Variants in ARK2C observed in about 807,000 individuals in gnomAD.
ARK2C encodes E3 ubiquitin-protein ligase ARK2C.
chr18:46,395,826 T>C, the ARK2C span, among the ~76,000 whole-genome samples: 1 of 152,204 alleles, frequency 6.6e-6, no homozygotes, highest in African/African-American at 2.4e-5. Context: ...GGCCAGGTGG[T>C]GATGGGAGGA....
chr18:46,425,128 G>T, the ARK2C span, among the ~76,000 whole-genome samples: 2 of 152,216 alleles, frequency 1.3e-5, no homozygotes, highest in Non-Finnish European at 2.9e-5. Context: ...CCCAACACTG[G>T]GGAAGAGTGA....
At chr18:46,388,802 CAG>C in the ARK2C span, among the ~76,000 whole-genome samples, 83 of 152,074 alleles carry the variant, frequency 5.5e-4, no homozygotes, top group African/African-American at 1.8e-3. Flanking sequence ...GTAGAGAACT[CAG>C]AGGTGTGTTT....
At chr18:46,380,703 C>G in the ARK2C span, among the ~76,000 whole-genome samples, 3 of 152,314 alleles carry the variant, frequency 2.0e-5, no homozygotes, top group Admixed American at 2.0e-4. Flanking sequence ...ATCTGAGACT[C>G]TGGAGCCTCG....
At chr18:46,418,277 A>G in the ARK2C span, among the ~76,000 whole-genome samples, 8 of 152,160 alleles carry the variant, frequency 5.3e-5, no homozygotes, top group Non-Finnish European at 1.0e-4. Flanking sequence ...GGATCGCTTG[A>G]GCCCAGGAGA....
the ARK2C span, chr18:46,450,622 T>C: frequency 8.8e-7 from 1 of 1,139,640 alleles, no homozygotes; most frequent in South Asian, 1.3e-5. Flanking sequence ...TGCTCATGTC[T>C]TCCAGCTCCC....
the ARK2C span, among the ~76,000 whole-genome samples, chr18:46,426,868 G>A: frequency 2.0e-5 from 3 of 152,338 alleles, no homozygotes; most frequent in South Asian, 4.1e-4. Flanking sequence ...TTAACTTGAA[G>A]GAGTAACTCT....
At chr18:46,454,580 C>G in the ARK2C span, among the ~76,000 whole-genome samples, 2 of 152,210 alleles carry the variant, frequency 1.3e-5, no homozygotes, top group Non-Finnish European at 2.9e-5. Context: ...AGTGAGGTTA[C>G]AGTATTCCCC....
chr18:46,337,092 C>A, the ARK2C span: 1 of 985,358 alleles, frequency 1.0e-6, no homozygotes. Flanking sequence ...GCCAGCCAGA[C>A]CTGCTTGAAA....
chr18:46,373,911 C>T, the ARK2C span, among the ~76,000 whole-genome samples: 2 of 152,080 alleles, frequency 1.3e-5, no homozygotes, highest in Non-Finnish European at 2.9e-5. Flanking sequence ...CTGGCAGCTG[C>T]CTGTTTTCCC....
the ARK2C span, among the ~76,000 whole-genome samples, chr18:46,355,653 C>T: frequency 1.3e-5 from 2 of 152,224 alleles, no homozygotes; most frequent in African/African-American, 2.4e-5. Context: ...TCTTGCTCCT[C>T]CAGCAGCCAC....
chr18:46,407,287 T>TG, the ARK2C span, among the ~76,000 whole-genome samples: 1 of 152,168 alleles, frequency 6.6e-6, no homozygotes, highest in Non-Finnish European at 1.5e-5. Flanking sequence ...CCCAGTCTTT[T>TG]GGGGTAAGAT....
the ARK2C span, among the ~76,000 whole-genome samples, chr18:46,344,434 C>A: frequency 6.8e-6 from 1 of 148,132 alleles, no homozygotes; most frequent in African/African-American, 2.5e-5. Context: ...AGCTCAGGGG[C>A]CCCCTCCGGG....
the ARK2C span, among the ~76,000 whole-genome samples, chr18:46,393,506 T>G: frequency 6.6e-6 from 1 of 152,134 alleles, no homozygotes; most frequent in African/African-American, 2.4e-5. Context: ...CTGCCAGAGC[T>G]TCATACCCTG....
At chr18:46,430,941 C>T in the ARK2C span, among the ~76,000 whole-genome samples, 3 of 152,090 alleles carry the variant, frequency 2.0e-5, no homozygotes, top group East Asian at 1.9e-4. Flanking sequence ...ATGTGCAGAA[C>T]GTGCGGGTTT....
the ARK2C span, among the ~76,000 whole-genome samples, chr18:46,392,290 G>T: frequency 6.6e-6 from 1 of 152,138 alleles, no homozygotes; most frequent in African/African-American, 2.4e-5. Flanking sequence ...AAAGACACCT[G>T]GATGCCCCCC....
At chr18:46,358,962 C>T in the ARK2C span, among the ~76,000 whole-genome samples, 2 of 152,180 alleles carry the variant, frequency 1.3e-5, no homozygotes, top group Non-Finnish European at 2.9e-5. Flanking sequence ...GTCCCCTACC[C>T]CTTTGTCCAT....
the ARK2C span, chr18:46,435,158 G>T: frequency 2.9e-6 from 2 of 679,840 alleles, no homozygotes; most frequent in Admixed American, 2.4e-5. Context: ...CTCAGTGCTT[G>T]CTAGACTGTG....
At chr18:46,360,749 C>T in the ARK2C span, among the ~76,000 whole-genome samples, 1 of 152,316 alleles carries the variant, frequency 6.6e-6, no homozygotes, top group South Asian at 2.1e-4. Context: ...CCCTTGCCCT[C>T]TAATACGCCT....
the ARK2C span, chr18:46,337,562 TG>T: frequency 1.0e-6 from 1 of 985,176 alleles, no homozygotes; most frequent in Non-Finnish European, 1.2e-6. Context: ...CCTTTTTTTT[TG>T]TATCGTGTGC....
Sources: allele counts gnomAD v4.1 joint callset (sites outside exome capture counted in the v4.1 genomes callset), GRCh38; gene constraint gnomAD v4.1.1; transcripts MANE v1.5; gene names NCBI Gene and HGNC (gene_info 2026-07-23, HGNC 2026-07-21).